SEL1L2: variants seen among roughly 807,000 people sequenced by gnomAD.
The protein encoded by SEL1L2 is protein sel-1 homolog 2.
A neutral mutation model predicts 98.8 loss-of-function variants in SEL1L2; 89 were observed. The observed-to-expected ratio is 0.90, with a 90% CI of 0.76 to 1.07. The LOEUF is 1.07. Among genes scored for constraint, SEL1L2 ranks in the 50% least tolerant of loss-of-function variants. The probability of loss-of-function intolerance (pLI) is 0.00; values close to 1 mark genes in which losing one functional copy is unlikely to be tolerated. For synonymous variants in SEL1L2, 262 were observed against 278.5 expected, an observed-to-expected ratio of 0.94 and a Z score of 0.59; for missense variants, 788 against 812.0, an observed-to-expected ratio of 0.97 and a Z score of 0.36.
intron 1 of SEL1L2, among the ~76,000 whole-genome samples, chr20:13,961,474 G>T (rs1030094130): frequency 2.0e-5 from 3 of 152,162 alleles, no homozygotes; most frequent in Non-Finnish European, 2.9e-5. Context: ...TGTCCATGTG[G>T]TTTTTGGGGC....
chr20:13,851,677 T>A (rs990993605), intron 18 of SEL1L2, among the ~76,000 whole-genome samples: 1 of 152,160 alleles, frequency 6.6e-6, no homozygotes, highest in African/African-American at 2.4e-5. Flanking sequence ...AAGGTGAAAG[T>A]GCCCTGGGCC....
chr20:13,922,827 T>G (rs924055293), intron 3 of SEL1L2, among the ~76,000 whole-genome samples: 6 of 152,254 alleles, frequency 3.9e-5, no homozygotes, highest in African/African-American at 1.4e-4. Context: ...ATTGATTGAT[T>G]TGTTTTTAAA....
At position 13,849,412 on chromosome 20, in the gene SEL1L2, G is replaced by C; in HGVS notation, c.*73C>G. Reference sequence around the variant, plus strand: ...TGCAGCGGACTCTTGATTTGGATGGGAAACTGTTTATTTAGTGGGGATACC... The same window carrying C: ...TGCAGCGGACTCTTGATTTGGATGGCAAACTGTTTATTTAGTGGGGATACC... On this transcript the variant is annotated 3_prime_UTR_variant, in exon 20 of 20. Coordinates refer to ENST00000284951, the MANE Select transcript of SEL1L2 (RefSeq NM_025229.2). 6.4e-7 allele frequency: 1 copy of C among 1,565,806 alleles called. No individual in the cohort carries two copies. Among genetic ancestry groups the C allele is most frequent in the Non-Finnish European group, 8.7e-7 (1 of 1,149,954 alleles).
At chr20:13,927,647 T>G (rs1048503007) in intron 3 of SEL1L2, among the ~76,000 whole-genome samples, 1 of 152,226 alleles carries the variant, frequency 6.6e-6, no homozygotes, top group African/African-American at 2.4e-5. Flanking sequence ...CTATTTCTCT[T>G]TTGTGAAGGA....
intron 18 of SEL1L2, among the ~76,000 whole-genome samples, chr20:13,851,682 TG>T (rs2147696025): frequency 6.6e-6 from 1 of 152,296 alleles, no homozygotes; most frequent in South Asian, 2.1e-4. Flanking sequence ...GAAAGTGCCC[TG>T]GGCCAGTCCC....
chr20:13,944,773 G>A (rs1037544644), intron 2 of SEL1L2, among the ~76,000 whole-genome samples: 6 of 152,118 alleles, frequency 3.9e-5, no homozygotes, highest in Admixed American at 6.5e-5. Context: ...AATACAAAGC[G>A]TTTTGCTAAA....
rs185008109 is a variant in SEL1L2, at chr20:13,922,475, C to G, written c.284-3352G>C. 2.6e-5 allele frequency among the ~76,000 whole-genome samples: 4 copies of G among 152,178 alleles called. No individual in the cohort carries two copies. The South Asian group carries it at 8.3e-4, about 32-fold the overall frequency. On this transcript the variant is annotated intron_variant, in intron 3 of 19. Transcript: ENST00000284951. ...TCTAGGATTGTATCTTCCTGACACA[C>G]ATAAGGGCAAATGTGAAGAACTCTT...
chr20:13,887,513 A>C (rs905487927), intron 8 of SEL1L2, among the ~76,000 whole-genome samples: 1 of 152,226 alleles, frequency 6.6e-6, no homozygotes, highest in Non-Finnish European at 1.5e-5. Context: ...AGAACATCAC[A>C]AAGGCAAGTA....
In SEL1L2 at chr20:13,865,621, G is replaced by A. The variant is rs1385612161; in HGVS notation, c.1405-107C>T. Reference sequence around the variant, plus strand: ...AGCTCCTACCAGCTGGTCAGGGAAGGATTTTAGGTCTAAAACATGGCTTTT... The same window carrying A: ...AGCTCCTACCAGCTGGTCAGGGAAGAATTTTAGGTCTAAAACATGGCTTTT... On this transcript the variant is annotated intron_variant, in intron 15 of 19. Coordinates refer to ENST00000284951, the MANE Select transcript of SEL1L2 (RefSeq NM_025229.2). 3.2e-6 allele frequency: 3 copies of A among 944,244 alleles called. No homozygotes were observed. The African/African-American group carries it at 5.0e-5, about 16-fold the overall frequency. 58.5% of individuals were successfully genotyped at this position (944,244 alleles called of 1,614,324 possible).
intron 1 of SEL1L2, among the ~76,000 whole-genome samples, chr20:13,980,320 A>G (rs1022319033): frequency 5.3e-5 from 8 of 152,162 alleles, no homozygotes; most frequent in Non-Finnish European, 8.8e-5. Flanking sequence ...GGTTCAAGCT[A>G]TTCTCCTGCC....
intron 2 of SEL1L2, among the ~76,000 whole-genome samples, chr20:13,948,371 A>C (rs1013351254): frequency 2.2e-4 from 33 of 152,202 alleles, no homozygotes; most frequent in Admixed American, 2.0e-3. Context: ...ACCTATTACA[A>C]AATTACAATA....
chr20:13,928,643 C>T (rs2048998205), intron 3 of SEL1L2, among the ~76,000 whole-genome samples: 1 of 152,232 alleles, frequency 6.6e-6, no homozygotes, highest in East Asian at 1.9e-4. Flanking sequence ...CTAACAAGAA[C>T]ATGGGTAAAA....
chr20:13,932,137 C>T (rs1176759610), intron 2 of SEL1L2, among the ~76,000 whole-genome samples: 3 of 152,072 alleles, frequency 2.0e-5, no homozygotes, highest in African/African-American at 7.2e-5. Context: ...TTGCCTTACA[C>T]ATTACAACAA....
intron 1 of SEL1L2, among the ~76,000 whole-genome samples, chr20:13,963,390 G>C (rs186532491): frequency 1.2e-3 from 59 of 49,654 alleles, no homozygotes; most frequent in African/African-American, 4.6e-3. Context: ...ATCTGGAGCA[G>C]CAAAAAAAAA....
At chr20:13,951,418 A>T (rs1372779082) in intron 2 of SEL1L2, among the ~76,000 whole-genome samples, 2 of 138,550 alleles carry the variant, frequency 1.4e-5, no homozygotes, top group Non-Finnish European at 3.1e-5. Flanking sequence ...ATCGAAACAC[A>T]GTGAAACCCC....
intron 1 of SEL1L2, among the ~76,000 whole-genome samples, chr20:13,972,661 G>C (rs2051339241): frequency 6.6e-6 from 1 of 152,150 alleles, no homozygotes; most frequent in Admixed American, 6.5e-5. Flanking sequence ...TTGATTGTCA[G>C]ATTATAGAAT....
At chr20:13,859,967 G>A (rs1347886124) in intron 17 of SEL1L2, among the ~76,000 whole-genome samples, 1 of 152,202 alleles carries the variant, frequency 6.6e-6, no homozygotes, top group Non-Finnish European at 1.5e-5. Context: ...GCCTCCCAAA[G>A]TGCTGGGATT....
intron 18 of SEL1L2, among the ~76,000 whole-genome samples, chr20:13,853,304 T>C (rs1213752511): frequency 1.3e-5 from 2 of 152,048 alleles, no homozygotes; most frequent in Non-Finnish European, 2.9e-5. Flanking sequence ...GCTTGAGCGA[T>C]CCTCCCATCT....
intron 1 of SEL1L2, among the ~76,000 whole-genome samples, chr20:13,970,809 G>A (rs1406870931): frequency 6.6e-6 from 1 of 151,654 alleles, no homozygotes; most frequent in Non-Finnish European, 1.5e-5. Context: ...TCCAGCCTGG[G>A]TAACAAGAGT....
Sources: allele counts gnomAD v4.1 joint callset (sites outside exome capture counted in the v4.1 genomes callset), GRCh38; gene constraint gnomAD v4.1.1; transcripts MANE v1.5; gene names NCBI Gene and HGNC (gene_info 2026-07-23, HGNC 2026-07-21).